ABCB4: variants seen among roughly 807,000 people sequenced by gnomAD.
The protein encoded by ABCB4 is phosphatidylcholine translocator ABCB4.
Under a neutral mutation model 145.7 loss-of-function variants are expected in ABCB4, and 76 were observed. That is an observed-to-expected ratio of 0.52 (90% confidence interval 0.43 to 0.63). ABCB4 has a LOEUF of 0.63. ABCB4 is among the 30% of genes least tolerant of loss of function. The pLI is 0.00. For synonymous variants in ABCB4, 517 were observed against 566.8 expected (o/e 0.91, Z 1.25); for missense variants, 1,234 against 1,553.1 (o/e 0.79, Z 3.45).
chr7:87,463,126 T>C (rs894717075), intron 3 of ABCB4, among the ~76,000 whole-genome samples: 3 of 152,194 alleles, frequency 2.0e-5, no homozygotes, highest in African/African-American at 4.8e-5. Context: ...GTTTAATTGG[T>C]ATCTGATTTG....
At chr7:87,384,733 C>T in the ABCB4 span, among the ~76,000 whole-genome samples, 4 of 152,198 alleles carry the variant, frequency 2.6e-5, no homozygotes, top group Non-Finnish European at 2.9e-5. Context: ...TCCCATTCGT[C>T]CATTTCTGCT....
In ABCB4 at chr7:87,439,702, C is replaced by G. The variant is rs777687717; in HGVS notation, c.1696G>C (p.Glu566Gln). The G allele has an allele frequency of 6.2e-7, 1 of 1,614,184 alleles. No homozygotes were observed. Among genetic ancestry groups the G allele is most frequent in the Non-Finnish European group, 8.5e-7 (1 of 1,180,024 alleles). ...GCTGCCTGTACCTCAGCTTCACTTT[C>G]TGTGTCCAATGCTGACGTGGCCTCA... is the stretch of plus-strand genomic sequence containing the variant. ...LDEATSALDT[E>Q]SEAEVQAALD... Residue 566 changes from glutamate to glutamine, a missense_variant, in exon 14 of 28, where the codon GAA becomes CAA. Transcript: ENST00000649586.
the ABCB4 span, among the ~76,000 whole-genome samples, chr7:87,372,170 A>G: frequency 6.6e-6 from 1 of 151,844 alleles, no homozygotes. Context: ...ACTTTTGCCT[A>G]TTTTTCTGTT....
chr7:87,405,956 T>G (rs1295872125), intron 26 of ABCB4: 2 of 383,780 alleles, frequency 5.2e-6, no homozygotes, highest in African/African-American at 4.1e-5. Flanking sequence ...CAATTACATG[T>G]AAATCCATAA....
chr7:87,402,369 A>G, intron 27 of ABCB4, 67 bp from the exon 28 acceptor site: 1 of 1,569,248 alleles, frequency 6.4e-7, no homozygotes, highest in Non-Finnish European at 8.7e-7. Context: ...ATTCAAGTAA[A>G]TTTGAAAATG....
At chr7:87,414,830 C>T (rs572811540) in intron 21 of ABCB4, among the ~76,000 whole-genome samples, 26 of 152,194 alleles carry the variant, frequency 1.7e-4, no homozygotes, top group African/African-American at 4.8e-4. Flanking sequence ...TTTACTATGT[C>T]CAAGTATTAC....
chr7:87,426,915 T>C lies in ABCB4; in HGVS notation c.1899A>G (p.Ser633=). The change falls in exon 16 of 28, where the codon TCA becomes TCG. Residue 633 remains serine, a synonymous_variant. Coordinates refer to ENST00000649586, the MANE Select transcript of ABCB4 (RefSeq NM_000443.4). ...VYFKLVNMQT[S]GSQIQSEEFE... is the part of the protein sequence containing the mutation. ...ATTCTTCTGACTGGATCTGGCTTCC[T>C]GATGTCTGAAAGAATATCAAGACAT... 6.2e-7 allele frequency: 1 copy of C among 1,612,374 alleles called. No homozygotes were observed. The highest frequency in any genetic ancestry group is 2.2e-5 in the East Asian group (1 of 44,778).
chr7:87,406,520 A>G (rs1221916018), intron 25 of ABCB4, 26 bp from the exon 26 acceptor site: 1 of 1,613,208 alleles, frequency 6.2e-7, no homozygotes, highest in South Asian at 1.1e-5. Flanking sequence ...CACAAACTAT[A>G]AGAAGGGTAT....
At chr7:87,470,538 C>G (rs1156615427) in intron 3 of ABCB4, among the ~76,000 whole-genome samples, 1 of 151,870 alleles carries the variant, frequency 6.6e-6, no homozygotes, top group Non-Finnish European at 1.5e-5. Context: ...AAAAACAACC[C>G]CACCAACAAG....
At chr7:87,465,534 A>G (rs1021239553) in intron 3 of ABCB4, among the ~76,000 whole-genome samples, 1 of 152,178 alleles carries the variant, frequency 6.6e-6, no homozygotes, top group African/African-American at 2.4e-5. Flanking sequence ...TCCCTGTCTG[A>G]CAGGTTTCAA....
chr7:87,471,012 T>A (rs1482685322), intron 3 of ABCB4, among the ~76,000 whole-genome samples: 1 of 152,088 alleles, frequency 6.6e-6, no homozygotes, highest in Non-Finnish European at 1.5e-5. Flanking sequence ...ATGTGGCACA[T>A]ATACACCATG....
At chr7:87,447,442 A>G (rs1472326199) in intron 8 of ABCB4, among the ~76,000 whole-genome samples, 1 of 152,152 alleles carries the variant, frequency 6.6e-6, no homozygotes, top group Admixed American at 6.5e-5. Context: ...TTCCAAGCCA[A>G]CCAACATTCC....
At chr7:87,440,589 C>T (rs1434136757) in intron 12 of ABCB4, among the ~76,000 whole-genome samples, 187 bp from the exon 13 acceptor site, 1 of 152,120 alleles carries the variant, frequency 6.6e-6, no homozygotes, top group East Asian at 1.9e-4. Flanking sequence ...TATTTATTTT[C>T]ATATATACAG....
At chr7:87,415,203 T>C (rs1040204397) in intron 21 of ABCB4, among the ~76,000 whole-genome samples, 1 of 152,132 alleles carries the variant, frequency 6.6e-6, no homozygotes, top group African/African-American at 2.4e-5. Flanking sequence ...TATGAGGCAG[T>C]CTTCCCTCCC....
At chr7:87,407,806 TA>T (rs1808308004) in intron 25 of ABCB4, among the ~76,000 whole-genome samples, 1 of 152,132 alleles carries the variant, frequency 6.6e-6, no homozygotes, top group Non-Finnish European at 1.5e-5. Context: ...CATGACAGGG[TA>T]AAAATTAAAC....
chr7:87,464,867 C>A (rs1417564723), intron 3 of ABCB4, among the ~76,000 whole-genome samples: 3 of 152,152 alleles, frequency 2.0e-5, no homozygotes, highest in Non-Finnish European at 2.9e-5. Context: ...AGATTTAAAA[C>A]CTATGCATTA....
At chr7:87,475,938 C>A (rs904309790), upstream of ABCB4, among the ~76,000 whole-genome samples, 1 of 152,284 alleles carries the variant, frequency 6.6e-6, no homozygotes, top group African/African-American at 2.4e-5. Context: ...CCAGCCCGGT[C>A]GCAGGATAAG....
At chr7:87,408,656 A>G (rs1808390628) in intron 24 of ABCB4, among the ~76,000 whole-genome samples, 1 of 151,952 alleles carries the variant, frequency 6.6e-6, no homozygotes, top group Non-Finnish European at 1.5e-5. Context: ...TCTTTATCTC[A>G]CTCACTGGGC....
At chr7:87,393,862 G>T in the ABCB4 span, among the ~76,000 whole-genome samples, 1 of 152,274 alleles carries the variant, frequency 6.6e-6, no homozygotes, top group East Asian at 1.9e-4. Flanking sequence ...CTTACATGCA[G>T]ATTTTAAATA....
Sources: gnomAD v4.1 joint callset for allele counts (sites outside exome capture counted in the v4.1 genomes callset) on GRCh38, gnomAD v4.1.1 for gene constraint, MANE v1.5 for transcripts, NCBI Gene and HGNC (gene_info 2026-07-23, HGNC 2026-07-21) for gene names.